DYNC2H1: variants seen among roughly 807,000 people sequenced by gnomAD.
DYNC2H1 encodes dynein cytoplasmic 2 heavy chain 1.
Under a neutral mutation model 570.0 loss-of-function variants are expected in DYNC2H1, and 410 were observed. That is an observed-to-expected ratio of 0.72 (90% CI 0.66 to 0.78). The LOEUF is 0.78. Ranked by LOEUF, DYNC2H1 falls within the 30% of genes least tolerant of loss-of-function variation. DYNC2H1 has a pLI of 0.00. For missense variants in DYNC2H1, 4,865 were observed against 5,046.4 expected, an observed-to-expected ratio of 0.96 and a Z score of 1.09; for synonymous variants, 1,688 against 1,677.6, an observed-to-expected ratio of 1.01 and a Z score of -0.15.
At chr11:103,250,609 C>T (rs879613096) in intron 65 of DYNC2H1, among the ~76,000 whole-genome samples, 3 of 152,064 alleles carry the variant, frequency 2.0e-5, no homozygotes, top group South Asian at 2.1e-4. Flanking sequence ...ATTGATGTTG[C>T]TCTTTGTTAT....
At chr11:103,340,912 A>G (rs1327138085) in intron 82 of DYNC2H1, among the ~76,000 whole-genome samples, 1 of 152,162 alleles carries the variant, frequency 6.6e-6, no homozygotes, top group Non-Finnish European at 1.5e-5. Context: ...ATATGACCAT[A>G]TGAATGGTTA....
intron 81 of DYNC2H1, 45 bp from the exon 82 acceptor site, chr11:103,323,841 A>G (rs1345908493): frequency 1.4e-6 from 2 of 1,412,524 alleles, no homozygotes; most frequent in East Asian, 2.4e-5. Context: ...TGTAAGTTCA[A>G]TCTTTATTTT....
At position 103,188,572 on chromosome 11, in the gene DYNC2H1, A is replaced by G. The variant is rs549756868; in HGVS notation, c.7216A>G (p.Met2406Val). The stretch of plus-strand genomic sequence containing the variant: ...AGAAAATATTCAAATTGTGGCTTCT[A>G]TGTCAGCTGGAGGAAGACTGGGAAG... ...GLENIQIVAS[M>V]SAGGRLGRHK... The change falls in exon 44 of 89, where the codon ATG becomes GTG. Residue 2406 changes from methionine (M) to valine (V), a missense_variant. Physicochemically the swap from Met to Val is conservative, Grantham distance 21 (BLOSUM62 1). Transcript: ENST00000375735. 8 of 1,610,936 alleles carry G rather than the reference A, an allele frequency of 5.0e-6. No homozygotes were observed. The highest frequency in any genetic ancestry group is 4.0e-5 in the African/African-American group (3 of 74,856).
Position 103,259,887 on chromosome 11 carries a change from G to A in DYNC2H1, c.10606-1G>A. The A allele has an allele frequency of 1.3e-6, 2 of 1,515,930 alleles. No individual in the cohort carries two copies. Among genetic ancestry groups the A allele is most frequent in the Non-Finnish European group, 1.8e-6 (2 of 1,126,656 alleles). The allele number at this position is 1,515,930 out of a possible 1,614,324, so 93.9% of individuals were successfully genotyped here. A position where few individuals can be genotyped will look rare whatever the true frequency, so the allele number is the denominator to read the frequency against. ...AATGAATTTCCAATTATAATCTACAGGATTCTGAAAATACAGAACAGAGAA... is the reference window on the plus strand; with the variant it reads ...AATGAATTTCCAATTATAATCTACAAGATTCTGAAAATACAGAACAGAGAA... On this transcript the variant is annotated splice_acceptor_variant, in intron 69 of 88. Transcript: ENST00000375735. LOFTEE classifies it high-confidence loss of function.
chr11:103,170,021 CT>C lies in DYNC2H1; in HGVS notation c.4969-82del. The C allele has an allele frequency of 8.0e-7, 1 of 1,244,514 alleles. No homozygotes were observed. Among genetic ancestry groups the C allele is most frequent in the Non-Finnish European group, 1.1e-6 (1 of 939,990 alleles). 77.1% of individuals were successfully genotyped at this position (1,244,514 alleles called of 1,614,324 possible). On this transcript the variant is annotated intron_variant, in intron 32 of 88. Transcript: ENST00000375735. This position sits in a 1 kb window ranked among gnomAD's most constrained non-coding sequence, Gnocchi z 4.8. ...TTTAACCTGTTTGTTGCATTTTTAT[CT>C]TTTTAACTACAATCTCATGCTGTAA...
In DYNC2H1 at chr11:103,303,180, C is replaced by T. The variant is rs746362470; in HGVS notation, c.11183C>T (p.Ser3728Phe). ...ATTGAACCCATCTTGATAATTATTTCTCCGGGTGCTGATCCTTCTCAGGAA... is the reference window on the plus strand; with the variant it reads ...ATTGAACCCATCTTGATAATTATTTTTCCGGGTGCTGATCCTTCTCAGGAA... ...LEIEPILIII[S>F]PGADPSQELQ... Residue 3728 changes from serine to phenylalanine, a missense_variant, in exon 76 of 89, where the codon TCT (serine) becomes TTT (phenylalanine). Around this residue, in one of 5 missense-constraint regions of DYNC2H1, gnomAD observed 2,401 missense variants for 2,454.6 expected, o/e 0.98. Transcript: ENST00000375735. The T allele has an allele frequency of 7.4e-6, 12 of 1,612,700 alleles. No individual in the cohort carries two copies. The South Asian group carries it at 1.2e-4, about 16-fold the overall frequency.
At chr11:103,426,660 G>GT (rs1943683529) in intron 84 of DYNC2H1, among the ~76,000 whole-genome samples, 1 of 152,056 alleles carries the variant, frequency 6.6e-6, no homozygotes, top group Non-Finnish European at 1.5e-5. Context: ...CAAAATCTAT[G>GT]GCTAAACTGA....
chr11:103,319,431 G>C lies in DYNC2H1; in HGVS notation c.11726-1598G>C, dbSNP rs965873880. 1.2e-4 allele frequency among the ~76,000 whole-genome samples: 19 copies of C among 152,118 alleles called. No homozygotes were observed. Among genetic ancestry groups the C allele is most frequent in the African/African-American group, 3.4e-4 (14 of 41,450 alleles). ...AGCAAGTTTCCTAATCTTTAAGCCT[G>C]AGTTTCCTGATCTTTAAATTAGGAA... On this transcript the variant is annotated intron_variant, in intron 80 of 88. Transcript: ENST00000375735. This position sits in a 1 kb window ranked among gnomAD's most constrained non-coding sequence, Gnocchi z 4.3.
At chr11:103,463,024 A>AAAAT (rs2135831252) in intron 87 of DYNC2H1, among the ~76,000 whole-genome samples, 1 of 152,310 alleles carries the variant, frequency 6.6e-6, no homozygotes, top group South Asian at 2.1e-4. Context: ...TTCGTTCTCA[A>AAAAT]AAATTATGTT....
intron 44 of DYNC2H1, among the ~76,000 whole-genome samples, chr11:103,188,870 A>G (rs1399224838): frequency 3.3e-5 from 5 of 152,148 alleles, no homozygotes; most frequent in African/African-American, 4.8e-5. Flanking sequence ...AACAGGAAAT[A>G]AAACGAAACT....
At chr11:103,302,686 A>G (rs143673311) in intron 75 of DYNC2H1, among the ~76,000 whole-genome samples, 374 of 152,174 alleles carry the variant, frequency 2.5e-3, no homozygotes, top group Middle Eastern at 0.01. Context: ...CTCAACTATC[A>G]TATCAGTTAA....
At chr11:103,191,430 C>A in intron 45 of DYNC2H1, 87 bp from the exon 46 acceptor site, 1 of 910,266 alleles carries the variant, frequency 1.1e-6, no homozygotes, top group South Asian at 1.7e-5. Flanking sequence ...AATTGGTATT[C>A]CTCTGAGTCT....
At chr11:103,123,653 TG>T (rs1330289499) in intron 11 of DYNC2H1, among the ~76,000 whole-genome samples, 2 of 152,170 alleles carry the variant, frequency 1.3e-5, no homozygotes, top group Non-Finnish European at 2.9e-5. Flanking sequence ...AAAAAACCAG[TG>T]CTTTAGTCAA....
In DYNC2H1 at chr11:103,319,831, A is replaced by C. The variant is rs1356962226; in HGVS notation, c.11726-1198A>C. On this transcript the variant is annotated intron_variant, in intron 80 of 88. Transcript: ENST00000375735. The surrounding 1 kb of genome is among the most constrained non-coding windows in gnomAD (Gnocchi z 4.3). ...TGTCTAAATGATAAAGGTATCATTT[A>C]GTGAGTATCAGGACAACTAGAAATT... Among the ~76,000 whole-genome samples, 1 of 152,180 alleles carries C rather than the reference A, an allele frequency of 6.6e-6. No individual in the cohort carries two copies. Among genetic ancestry groups the C allele is most frequent in the Non-Finnish European group, 1.5e-5 (1 of 68,020 alleles).
intron 17 of DYNC2H1, among the ~76,000 whole-genome samples, chr11:103,136,375 C>T (rs527903048): frequency 2.0e-5 from 3 of 150,976 alleles, no homozygotes; most frequent in Non-Finnish European, 4.4e-5. Flanking sequence ...TCCCTCCCCC[C>T]TCCCGCCACC....
Position 103,244,826 on chromosome 11 carries a change from CTATA to C in DYNC2H1, c.9919-422_9919-419del, listed in dbSNP as rs1289991006. On this transcript the variant is annotated intron_variant, in intron 64 of 88. Transcript: ENST00000375735. The surrounding 1 kb of genome is among the most constrained non-coding windows in gnomAD (Gnocchi z 4.3). ...GTCATAGTTATAGACATATAAGTAA[CTATA>C]TAGTTACTTTTATATATATGTACAC... Among the ~76,000 whole-genome samples the C allele has an allele frequency of 1.3e-5, 2 of 149,572 alleles. No individual in the cohort carries two copies. The highest frequency in any genetic ancestry group is 3.0e-5 in the Non-Finnish European group (2 of 67,458).
intron 70 of DYNC2H1, among the ~76,000 whole-genome samples, chr11:103,279,381 G>T (rs1033304524): frequency 1.3e-5 from 2 of 152,156 alleles, no homozygotes; most frequent in Non-Finnish European, 2.9e-5. Flanking sequence ...AAGAGTTGAA[G>T]TCAAAGAGTA....
At chr11:103,150,189 T>A (rs549198677) in intron 20 of DYNC2H1, among the ~76,000 whole-genome samples, 4 of 151,212 alleles carry the variant, frequency 2.6e-5, no homozygotes, top group Non-Finnish European at 4.4e-5. Flanking sequence ...CGTATTTTAT[T>A]CTGAGTGTAA....
intron 84 of DYNC2H1, among the ~76,000 whole-genome samples, chr11:103,411,188 C>T (rs1028599186): frequency 1.2e-4 from 18 of 151,918 alleles, no homozygotes; most frequent in Non-Finnish European, 2.1e-4. Context: ...AAGTATAAAC[C>T]GTCATTTACA....
Sources: gnomAD v4.1 joint callset for allele counts (sites outside exome capture counted in the v4.1 genomes callset) on GRCh38, gnomAD v4.1.1 for gene constraint, gnomAD v4.1.1 regional missense constraint, Gnocchi (gnomAD v3.1) non-coding constraint, MANE v1.5 for transcripts, NCBI Gene and HGNC (gene_info 2026-07-23, HGNC 2026-07-21) for gene names.